Variants in THADA observed in about 807,000 individuals in gnomAD.
THADA encodes the protein THADA armadillo repeat containing.
A neutral mutation model predicts 219.8 loss-of-function variants in THADA; 213 were observed. That is an observed-to-expected ratio of 0.97 (90% confidence interval 0.87 to 1.09). The LOEUF (loss-of-function observed/expected upper bound fraction) is 1.09, where lower values mean the gene tolerates loss of function less well. THADA is among the 50% of genes least tolerant of loss of function. The pLI is 0.00. For missense variants in THADA, 2,956 were observed against 2,311.3 expected (o/e 1.28, Z -5.72); for synonymous variants, 1,018 against 828.9 (o/e 1.23, Z -3.92).
At chr2:43,397,524 C>T (rs919667478) in intron 29 of THADA, among the ~76,000 whole-genome samples, 1 of 152,044 alleles carries the variant, frequency 6.6e-6, no homozygotes, top group Admixed American at 6.6e-5. Context: ...AATACTTCCA[C>T]GTACTAAGGT....
intron 26 of THADA, among the ~76,000 whole-genome samples, chr2:43,475,970 A>C (rs1292819053): frequency 6.6e-6 from 1 of 152,230 alleles, no homozygotes; most frequent in Non-Finnish European, 1.5e-5. Context: ...TTAGTTGCCT[A>C]ATCAATATTT....
intron 30 of THADA, among the ~76,000 whole-genome samples, chr2:43,336,575 A>AT (rs900492489): frequency 4.6e-4 from 68 of 146,582 alleles, no homozygotes; most frequent in Middle Eastern, 3.5e-3. Context: ...CTCGTCCCCA[A>AT]TTTTTTTTTT....
intron 15 of THADA, chr2:43,566,084 T>G (rs1340708355): frequency 1.7e-5 from 3 of 175,450 alleles, no homozygotes; most frequent in Non-Finnish European, 3.5e-5. Context: ...CTAGACTCTG[T>G]CTCAAAATAA....
chr2:43,440,324 A>G (rs1680692522), intron 26 of THADA, among the ~76,000 whole-genome samples: 1 of 152,146 alleles, frequency 6.6e-6, no homozygotes. Flanking sequence ...GATTGACTGT[A>G]ATTTACTTAA....
intron 21 of THADA, among the ~76,000 whole-genome samples, chr2:43,538,846 C>T (rs1233280725): frequency 6.6e-6 from 1 of 152,120 alleles, no homozygotes; most frequent in African/African-American, 2.4e-5. Flanking sequence ...TATAAACAAG[C>T]CCCATTTCTT....
chr2:43,511,421 A>G (rs1225454630), intron 22 of THADA, among the ~76,000 whole-genome samples: 1 of 152,192 alleles, frequency 6.6e-6, no homozygotes, highest in Non-Finnish European at 1.5e-5. Flanking sequence ...ATGAGAGTAG[A>G]ACATCTCACT....
intron 34 of THADA, among the ~76,000 whole-genome samples, chr2:43,289,377 G>A (rs950061696): frequency 3.3e-5 from 5 of 152,114 alleles, no homozygotes; most frequent in East Asian, 1.9e-4. Flanking sequence ...GGGCATCTAC[G>A]CAACTAACAT....
chr2:43,489,391 T>C (rs1687326651), intron 25 of THADA, among the ~76,000 whole-genome samples: 1 of 152,114 alleles, frequency 6.6e-6, no homozygotes, highest in Non-Finnish European at 1.5e-5. Context: ...GTTTTTTTCA[T>C]TCCCAGTCTA....
chr2:43,492,950 G>A (rs1687824062), intron 25 of THADA, among the ~76,000 whole-genome samples: 2 of 152,196 alleles, frequency 1.3e-5, no homozygotes, highest in Admixed American at 6.5e-5. Context: ...GAAGCTCCAT[G>A]CCAAGGCACG....
chr2:43,527,024 T>G (rs1693250272), intron 22 of THADA, among the ~76,000 whole-genome samples: 1 of 152,226 alleles, frequency 6.6e-6, no homozygotes, highest in African/African-American at 2.4e-5. Flanking sequence ...AAAAGTATCA[T>G]TTAAAGACAT....
chr2:43,460,238 TAA>T (rs10560565), intron 26 of THADA, among the ~76,000 whole-genome samples: 1,424 of 63,588 alleles, frequency 0.022, 6 homozygotes, highest in African/African-American at 0.056. Flanking sequence ...TTTCTCTTAA[TAA>T]AAAAAAAAAA....
intron 21 of THADA, among the ~76,000 whole-genome samples, chr2:43,528,565 C>G (rs114343025): frequency 1.3e-5 from 2 of 152,152 alleles, no homozygotes; most frequent in African/African-American, 2.4e-5. Context: ...CAAGGTCAGA[C>G]AGCAAGAAAG....
intron 13 of THADA, among the ~76,000 whole-genome samples, chr2:43,571,086 T>C (rs894880856): frequency 6.6e-6 from 1 of 151,934 alleles, no homozygotes; most frequent in African/African-American, 2.4e-5. Context: ...CAAGACACTA[T>C]CTCTAAAAAA....
At position 43,419,070 on chromosome 2, in the gene THADA, G is replaced by C. The variant is rs559577510; in HGVS notation, c.4058+9030C>G. Among the ~76,000 whole-genome samples the C allele has an allele frequency of 6.6e-5, 10 of 152,304 alleles. No homozygotes were observed. The South Asian group carries it at 1.9e-3, about 28-fold the overall frequency. On this transcript the variant is annotated intron_variant, in intron 28 of 37. Transcript: ENST00000405975. ...AACAAAGGAGAGGACTGTGGGTGGA[G>C]TGGGTTTCTCCATGGACAGAACCCA...
intron 21 of THADA, among the ~76,000 whole-genome samples, chr2:43,532,517 T>C (rs1050375654): frequency 4.0e-5 from 6 of 149,718 alleles, no homozygotes; most frequent in Non-Finnish European, 7.4e-5. Flanking sequence ...ATTATCTCAA[T>C]AAATGTAGAA....
At chr2:43,301,788 G>A (rs1572982261) in intron 31 of THADA, among the ~76,000 whole-genome samples, 1 of 152,274 alleles carries the variant, frequency 6.6e-6, no homozygotes, top group African/African-American at 2.4e-5. Context: ...AGGGATTGAC[G>A]GCTACTGTTT....
chr2:43,573,678 T>C (rs192340108), intron 11 of THADA, among the ~76,000 whole-genome samples: 1 of 152,230 alleles, frequency 6.6e-6, no homozygotes, highest in Non-Finnish European at 1.5e-5. Context: ...TTAACAATTT[T>C]AGTTGAAAAT....
Position 43,574,435 on chromosome 2 carries a change from A to C in THADA, c.1630T>G (p.Tyr544Asp). Residue 544 changes from tyrosine (Y) to aspartate (D), a missense_variant, in exon 11 of 38, where the codon TAC (tyrosine) becomes GAC (aspartate). Physicochemically the swap from Tyr to Asp is radical, Grantham distance 160. Transcript: ENST00000405975. ...LCEGNLDQKS[Y>D]VIDYYLPKLL... The stretch of plus-strand genomic sequence containing the variant: ...TTTGGCAAGTAATAATCAATCACGT[A>C]AGATTTTTGATCCAAGTTTCCTTCA... The C allele has an allele frequency of 6.2e-7, 1 of 1,612,504 alleles. No homozygotes were observed. Among genetic ancestry groups the C allele is most frequent in the Non-Finnish European group, 8.5e-7 (1 of 1,179,120 alleles).
intron 23 of THADA, among the ~76,000 whole-genome samples, chr2:43,507,530 A>G (rs1689835025): frequency 1.3e-5 from 2 of 152,214 alleles, no homozygotes; most frequent in African/African-American, 4.8e-5. Flanking sequence ...GAAGGTCACC[A>G]AAATCCATTC....
Sources: allele counts gnomAD v4.1 joint callset (sites outside exome capture counted in the v4.1 genomes callset), GRCh38; gene constraint gnomAD v4.1.1; transcripts MANE v1.5; gene names NCBI Gene and HGNC (gene_info 2026-07-23, HGNC 2026-07-21).